BARX2: variants seen among roughly 807,000 people sequenced by gnomAD.
BARX2 encodes the protein homeobox protein BarH-like 2.
Under a neutral mutation model 25.5 loss-of-function variants are expected in BARX2, and 11 were observed. The observed-to-expected ratio is 0.43, with a 90% CI of 0.27 to 0.71. The LOEUF is 0.71. Ranked by LOEUF, BARX2 falls within the 30% of genes least tolerant of loss-of-function variation. The pLI is 0.19. For missense variants in BARX2, 360 were observed against 359.9 expected (o/e 1.00, Z 0.00); for synonymous variants, 137 against 149.5 (o/e 0.92, Z 0.61).
chr11:129,437,184 C>A, intron 2 of BARX2, 133 bp downstream of exon 2: 1 of 1,031,674 alleles, frequency 9.7e-7, no homozygotes, highest in Non-Finnish European at 1.3e-6. Context: ...CTCCTTGGCT[C>A]AAATCATCTC....
rs201693114 is a variant in BARX2 at position 129,436,910 on chromosome 11, T to C, written c.347T>C (p.Leu116Pro). Reference sequence around the variant, plus strand: ...GCTGAGGCCCCAGGGGGCGAGGCCCTAGCCAGCAGCGAGTCAGAGACGGAA... The same window carrying C: ...GCTGAGGCCCCAGGGGGCGAGGCCCCAGCCAGCAGCGAGTCAGAGACGGAA... ...VSAEAPGGEA[L>P]ASSESETEQP... Residue 116 changes from leucine (L) to proline (P), a missense_variant, in exon 2 of 4, where the codon CTA becomes CCA. Physicochemically the swap from Leu to Pro is moderately conservative, Grantham distance 98. This residue lies in a region of BARX2 where 240 missense variants were observed against 228.7 expected (regional missense o/e 1.05). Coordinates refer to ENST00000281437, the MANE Select transcript of BARX2 (RefSeq NM_003658.5). The surrounding 1 kb of genome is among the most constrained non-coding windows in gnomAD (Gnocchi z 4.5). The C allele has an allele frequency of 1.2e-5, 20 of 1,613,854 alleles. No homozygotes were observed. In the Admixed American group the frequency reaches 2.3e-4, roughly 19 times the overall value.
intron 1 of BARX2, among the ~76,000 whole-genome samples, chr11:129,379,209 C>T (rs1351951621): frequency 3.3e-5 from 5 of 152,172 alleles, no homozygotes; most frequent in Admixed American, 1.3e-4. Flanking sequence ...CACCACAGAA[C>T]GGTTTATCAT....
chr11:129,425,379 C>T (rs779345519), intron 1 of BARX2, among the ~76,000 whole-genome samples: 1 of 152,190 alleles, frequency 6.6e-6, no homozygotes, highest in Non-Finnish European at 1.5e-5. Flanking sequence ...TAAACAGCAG[C>T]TGTTCCTGGC....
chr11:129,437,424 T>C (rs1053796379), intron 2 of BARX2: 3 of 1,006,234 alleles, frequency 3.0e-6, no homozygotes, highest in South Asian at 9.3e-5. Context: ...AGATTTGGAA[T>C]TGGGATTCAT....
At chr11:129,378,781 TAA>T (rs1157856254) in intron 1 of BARX2, among the ~76,000 whole-genome samples, 2 of 149,630 alleles carry the variant, frequency 1.3e-5, no homozygotes, top group Admixed American at 6.7e-5. Flanking sequence ...GCCTCAAAAT[TAA>T]AAAGTTACCA....
intron 1 of BARX2, among the ~76,000 whole-genome samples, chr11:129,379,855 G>T (rs1163907101): frequency 2.0e-5 from 3 of 152,032 alleles, no homozygotes; most frequent in Non-Finnish European, 4.4e-5. Flanking sequence ...TTGTGGGGAG[G>T]TGAGTGTAGA....
At chr11:129,447,450 A>C (rs1862344558) in intron 3 of BARX2, among the ~76,000 whole-genome samples, 1 of 152,136 alleles carries the variant, frequency 6.6e-6, no homozygotes, top group Non-Finnish European at 1.5e-5. Flanking sequence ...AACTGGCTCT[A>C]AGAATAAATG....
rs1861499447 is a variant in BARX2 at position 129,376,048 on chromosome 11, G to A, written c.13G>A (p.Ala5Thr). 3 of 1,589,308 alleles carry A rather than the reference G, an allele frequency of 1.9e-6. No individual in the cohort carries two copies. Among genetic ancestry groups the A allele is most frequent in the Non-Finnish European group, 2.6e-6 (3 of 1,170,166 alleles). ...GCGCCGGCTCACCATGCACTGCCAC[G>A]CCGAGCTGAGGCTGAGCTCGCCCGG... MHCHAELRLSSPGQL... is the reference protein window; with the variant it reads MHCHTELRLSSPGQL... The change falls in exon 1 of 4, where the codon GCC becomes ACC. Residue 5 changes from alanine to threonine, a missense_variant. Physicochemically the swap from Ala to Thr is moderately conservative, Grantham distance 58. Transcript: ENST00000281437. This position sits in a 1 kb window ranked among gnomAD's most constrained non-coding sequence, Gnocchi z 4.2.
chr11:129,389,642 T>C (rs1267599077), intron 1 of BARX2, among the ~76,000 whole-genome samples: 1 of 151,890 alleles, frequency 6.6e-6, no homozygotes, highest in Admixed American at 6.6e-5. Flanking sequence ...TCAAGAACTG[T>C]CCTAGAAAAG....
At chr11:129,398,908 C>T (rs774036500) in intron 1 of BARX2, among the ~76,000 whole-genome samples, 2 of 152,190 alleles carry the variant, frequency 1.3e-5, no homozygotes, top group Admixed American at 6.6e-5. Context: ...GTTTGCTTGA[C>T]CTCAAAAGCC....
In BARX2 at chr11:129,436,636, C is replaced by A; in HGVS notation, c.188-115C>A. 1 of 1,202,234 alleles carries A rather than the reference C, an allele frequency of 8.3e-7. No individual in the cohort carries two copies. Among genetic ancestry groups the A allele is most frequent in the Non-Finnish European group, 1.2e-6 (1 of 864,156 alleles). The allele number at this position is 1,202,234 out of a possible 1,614,324, so 74.5% of individuals were successfully genotyped here. Reference sequence around the variant, plus strand: ...CTTCCCCTTCCTCCATCTGTACCTCCTTAAGAGCAGGGCCCTCCCTGTCAG... The same window carrying A: ...CTTCCCCTTCCTCCATCTGTACCTCATTAAGAGCAGGGCCCTCCCTGTCAG... On this transcript the variant is annotated intron_variant, in intron 1 of 3. Coordinates refer to ENST00000281437, the MANE Select transcript of BARX2 (RefSeq NM_003658.5). This position sits in a 1 kb window ranked among gnomAD's most constrained non-coding sequence, Gnocchi z 4.5.
chr11:129,377,004 CA>C (rs1591422576), intron 1 of BARX2, among the ~76,000 whole-genome samples: 1 of 152,140 alleles, frequency 6.6e-6, no homozygotes, highest in Admixed American at 6.5e-5. Flanking sequence ...ATTTTGAATG[CA>C]TTAAGAGAAG....
rs78415367 is a variant in BARX2 at position 129,415,090 on chromosome 11, A to T, written c.188-21661A>T. 2.0e-5 allele frequency among the ~76,000 whole-genome samples: 3 copies of T among 148,046 alleles called. No homozygotes were observed. The East Asian group carries it at 6.6e-4, about 33-fold the overall frequency. On this transcript the variant is annotated intron_variant, in intron 1 of 3. Coordinates refer to ENST00000281437, the MANE Select transcript of BARX2 (RefSeq NM_003658.5). Reference sequence around the variant, plus strand: ...TTATTTTAATATAAAAATTGGAATGATCCTCTCCTTTCCCCCCATTATAAA... The same window carrying T: ...TTATTTTAATATAAAAATTGGAATGTTCCTCTCCTTTCCCCCCATTATAAA...
At chr11:129,421,910 C>CTT (rs1158163983) in intron 1 of BARX2, among the ~76,000 whole-genome samples, 1 of 152,042 alleles carries the variant, frequency 6.6e-6, no homozygotes, top group Non-Finnish European at 1.5e-5. Flanking sequence ...ATATCTTAAA[C>CTT]TTTTACCTGT....
In BARX2 at chr11:129,422,970, T is replaced by C. The variant is rs142345293; in HGVS notation, c.188-13781T>C. ...CACATGCCTTGGCCTCCCAAAGTGC[T>C]GGGATTACAGGCATGAGCCACCCTG... On this transcript the variant is annotated intron_variant, in intron 1 of 3. Transcript: ENST00000281437. Among the ~76,000 whole-genome samples the C allele has an allele frequency of 6.2e-3, 939 of 152,214 alleles. 8 individuals carry two copies. The highest frequency in any genetic ancestry group is 0.022 in the African/African-American group (893 of 41,522).
intron 1 of BARX2, among the ~76,000 whole-genome samples, chr11:129,417,149 C>T (rs1861953250): frequency 6.6e-6 from 1 of 152,148 alleles, no homozygotes; most frequent in Non-Finnish European, 1.5e-5. Flanking sequence ...GATCCACCCA[C>T]CTTGGCCTCC....
intron 2 of BARX2, chr11:129,438,282 A>G (rs1862216265): frequency 6.8e-6 from 1 of 148,072 alleles, no homozygotes; most frequent in African/African-American, 2.5e-5. Flanking sequence ...AAATCATGCC[A>G]CTACACTCCA....
At chr11:129,447,861 A>G (rs1449646372) in intron 3 of BARX2, among the ~76,000 whole-genome samples, 1 of 152,146 alleles carries the variant, frequency 6.6e-6, no homozygotes, top group Non-Finnish European at 1.5e-5. Flanking sequence ...TACTGAGTGG[A>G]TCTGCTTTCA....
At chr11:129,422,857 C>A (rs1405255463) in intron 1 of BARX2, among the ~76,000 whole-genome samples, 1 of 152,062 alleles carries the variant, frequency 6.6e-6, no homozygotes, top group Non-Finnish European at 1.5e-5. Context: ...GTGCCCATCA[C>A]CACACCTAGC....
Sources: gnomAD v4.1 joint callset for allele counts (sites outside exome capture counted in the v4.1 genomes callset) on GRCh38, gnomAD v4.1.1 for gene constraint, gnomAD v4.1.1 regional missense constraint, Gnocchi (gnomAD v3.1) non-coding constraint, MANE v1.5 for transcripts, NCBI Gene and HGNC (gene_info 2026-07-23, HGNC 2026-07-21) for gene names.